The following ARHGAP32 variants were observed in gnomAD, a reference collection of about 807,000 sequenced individuals.
ARHGAP32 encodes Rho GTPase activating protein 32.
ARHGAP32 carries 51 observed loss-of-function variants against 186.5 expected under a neutral mutation model. The ratio of observed to expected loss-of-function variants is 0.27; its 90% CI spans 0.22 to 0.35. The LOEUF (loss-of-function observed/expected upper bound fraction) is 0.35, where lower values mean the gene tolerates loss of function less well. Among genes scored for constraint, ARHGAP32 ranks in the 10% least tolerant of loss-of-function variants. ARHGAP32 has a pLI of 1.00. For missense variants in ARHGAP32, 2,186 were observed against 2,623.5 expected, an observed-to-expected ratio of 0.83 and a Z score of 3.64; for synonymous variants, 950 against 964.3, an observed-to-expected ratio of 0.99 and a Z score of 0.27.
chr11:129,050,566 T>C (rs1445595264), intron 10 of ARHGAP32, among the ~76,000 whole-genome samples: 1 of 152,178 alleles, frequency 6.6e-6, no homozygotes, highest in African/African-American at 2.4e-5. Context: ...ACTGCAAATA[T>C]TTTCTCCCAG....
chr11:129,256,819 G>A (rs372995109), intron 1 of ARHGAP32, among the ~76,000 whole-genome samples: 25 of 152,210 alleles, frequency 1.6e-4, no homozygotes, highest in Non-Finnish European at 2.2e-4. Context: ...TTTTCCTCAC[G>A]AAATGTAAGT....
At chr11:129,078,006 A>G (rs1444655032) in intron 6 of ARHGAP32, among the ~76,000 whole-genome samples, 1 of 152,202 alleles carries the variant, frequency 6.6e-6, no homozygotes, top group African/African-American at 2.4e-5. Context: ...TGCTAGCATA[A>G]CAAGCATTCA....
At chr11:129,183,020 G>A (rs1356513175) in intron 1 of ARHGAP32, among the ~76,000 whole-genome samples, 6 of 152,066 alleles carry the variant, frequency 3.9e-5, no homozygotes, top group Admixed American at 1.3e-4. Flanking sequence ...TTGGTATGAG[G>A]TAGGATTCCT....
intron 11 of ARHGAP32, among the ~76,000 whole-genome samples, chr11:129,018,540 A>G (rs1340584377): frequency 1.3e-5 from 2 of 152,226 alleles, no homozygotes; most frequent in Admixed American, 6.5e-5. Context: ...GCATTGTTAT[A>G]TGACCCAAAA....
chr11:129,042,292 G>A (rs1479726667), intron 10 of ARHGAP32, among the ~76,000 whole-genome samples: 3 of 152,044 alleles, frequency 2.0e-5, no homozygotes, highest in African/African-American at 7.2e-5. Flanking sequence ...CTGCGACTCT[G>A]GGCATGCACC....
At chr11:129,059,145 T>C (rs77682660) in intron 10 of ARHGAP32, among the ~76,000 whole-genome samples, 1,764 of 152,242 alleles carry the variant, frequency 0.012, 32 homozygotes, top group African/African-American at 0.04. Context: ...AGAGTGAATG[T>C]AAAAATCATG....
intron 1 of ARHGAP32, among the ~76,000 whole-genome samples, chr11:129,255,108 T>TA (rs2135699263): frequency 6.6e-6 from 1 of 152,248 alleles, no homozygotes; most frequent in East Asian, 1.9e-4. Context: ...AGAATAAAGC[T>TA]GGATACATTA....
intron 2 of ARHGAP32, among the ~76,000 whole-genome samples, chr11:129,125,477 C>A (rs1942638604): frequency 6.6e-6 from 1 of 151,932 alleles, no homozygotes; most frequent in Non-Finnish European, 1.5e-5. Flanking sequence ...GTCCAAATAT[C>A]TATTTTAAAA....
rs150873935 is a variant in ARHGAP32, at chr11:128,970,642, T to C, written c.4571A>G (p.His1524Arg). 71 of 1,613,976 alleles carry C rather than the reference T, an allele frequency of 4.4e-5. No homozygotes were observed. Among genetic ancestry groups the C allele is most frequent in the Non-Finnish European group, 5.8e-5 (69 of 1,180,022 alleles). Reference protein sequence around the residue: ...CQYRPQSVPPHHNKLEQHQVY... With the variant: ...CQYRPQSVPPRHNKLEQHQVY... The stretch of plus-strand genomic sequence containing the variant: ...TTGGTGCTGCTCCAATTTATTGTGA[T>C]GGGGAGGTACACTCTGGGGACGGTA... The change falls in exon 23 of 23, where the codon CAT (histidine) becomes CGT (arginine). Residue 1524 changes from histidine (H) to arginine (R), a missense_variant. This residue lies in a region of ARHGAP32 where 1,502 missense variants were observed against 1,570.0 expected (regional missense o/e 0.96). Transcript: ENST00000682385. This position sits in a 1 kb window ranked among gnomAD's most constrained non-coding sequence, Gnocchi z 5.8.
chr11:129,126,815 C>T (rs966663686), intron 2 of ARHGAP32, among the ~76,000 whole-genome samples: 13 of 152,036 alleles, frequency 8.6e-5, no homozygotes, highest in Non-Finnish European at 1.9e-4. Flanking sequence ...CAATATTCTG[C>T]GACAACCTGG....
chr11:129,176,789 G>C (rs901745667), intron 1 of ARHGAP32, among the ~76,000 whole-genome samples: 5 of 151,722 alleles, frequency 3.3e-5, no homozygotes, highest in African/African-American at 4.8e-5. Flanking sequence ...TCAAAGCAGT[G>C]TGTAGAGGGA....
intron 2 of ARHGAP32, among the ~76,000 whole-genome samples, chr11:129,158,604 T>C (rs1380704104): frequency 6.6e-6 from 1 of 152,060 alleles, no homozygotes; most frequent in East Asian, 1.9e-4. Context: ...TCCCACACAA[T>C]AACAGTGGGA....
At chr11:129,016,354 A>C (rs1406090540) in intron 11 of ARHGAP32, among the ~76,000 whole-genome samples, 2 of 152,220 alleles carry the variant, frequency 1.3e-5, no homozygotes, top group East Asian at 3.8e-4. Context: ...TTAGGTACAG[A>C]AATCATTCTG....
At chr11:129,276,617 GTT>G (rs1182075823) in intron 1 of ARHGAP32, among the ~76,000 whole-genome samples, 1 of 152,152 alleles carries the variant, frequency 6.6e-6, no homozygotes, top group African/African-American at 2.4e-5. Flanking sequence ...TTATATGCAT[GTT>G]TTTTAAATTT....
At chr11:129,115,694 C>A (rs1942349042) in intron 5 of ARHGAP32, among the ~76,000 whole-genome samples, 1 of 152,074 alleles carries the variant, frequency 6.6e-6, no homozygotes. Context: ...AAGCAAAGAG[C>A]ACTGGCACCT....
chr11:129,047,662 A>T (rs569488603), intron 10 of ARHGAP32, among the ~76,000 whole-genome samples: 1 of 152,242 alleles, frequency 6.6e-6, no homozygotes, highest in East Asian at 1.9e-4. Context: ...ACCAATACAA[A>T]TTCACAGGCT....
intron 1 of ARHGAP32, among the ~76,000 whole-genome samples, chr11:129,209,655 T>C (rs2135589727): frequency 8.8e-6 from 1 of 113,832 alleles, no homozygotes; most frequent in Non-Finnish European, 2.0e-5. Context: ...CTATTCCTGG[T>C]TTACAAATTT....
intron 11 of ARHGAP32, among the ~76,000 whole-genome samples, chr11:129,026,893 A>T (rs775052884): frequency 7.3e-5 from 11 of 151,372 alleles, no homozygotes; most frequent in Non-Finnish European, 1.2e-4. Context: ...AAGTCAGGAG[A>T]TCGAGACCAT....
chr11:129,279,159 CCCGCCGCG>C (rs1316755305), exon 1 of ARHGAP32: 23 of 145,592 alleles, frequency 1.6e-4, no homozygotes, highest in African/African-American at 4.5e-4. Flanking sequence ...GCCCCGCGGC[CCCGCCGCG>C]CCGCCGCGGC....
Sources: gnomAD v4.1 joint callset for allele counts (sites outside exome capture counted in the v4.1 genomes callset) on GRCh38, gnomAD v4.1.1 for gene constraint, gnomAD v4.1.1 regional missense constraint, Gnocchi (gnomAD v3.1) non-coding constraint, MANE v1.5 for transcripts, NCBI Gene and HGNC (gene_info 2026-07-23, HGNC 2026-07-21) for gene names.